CNOT4: variants seen among roughly 807,000 people sequenced by gnomAD.
CNOT4 encodes the protein CCR4-associated factor 4.
A neutral mutation model predicts 73.8 loss-of-function variants in CNOT4; 8 were observed. That is an observed-to-expected ratio of 0.11 (90% CI 0.06 to 0.20). The LOEUF is 0.20. Ranked by LOEUF, CNOT4 falls within the 10% of genes least tolerant of loss-of-function variation. The pLI, the probability that CNOT4 is intolerant of heterozygous loss-of-function variation, is 1.00. For missense variants in CNOT4, 564 were observed against 883.4 expected, an observed-to-expected ratio of 0.64 and a Z score of 4.58; for synonymous variants, 293 against 321.1, an observed-to-expected ratio of 0.91 and a Z score of 0.94.
intron 6 of CNOT4, among the ~76,000 whole-genome samples, chr7:135,413,239 A>C (rs568099962): frequency 6.6e-6 from 1 of 152,000 alleles, no homozygotes; most frequent in Non-Finnish European, 1.5e-5. Context: ...GAAAAGTCTT[A>C]AAGCAAAGAA....
rs982626924 is a variant in CNOT4, at chr7:135,449,465, C to A, written c.-92-11042G>T. On this transcript the variant is annotated intron_variant, in intron 1 of 11. Coordinates refer to ENST00000541284, the MANE Select transcript of CNOT4 (RefSeq NM_001190850.2). Reference sequence around the variant, plus strand: ...AAGTAATCCCTAGACCCAGAAAGTACAACATACCCAAATGTGATCAATAAG... The same window carrying A: ...AAGTAATCCCTAGACCCAGAAAGTAAAACATACCCAAATGTGATCAATAAG... Among the ~76,000 whole-genome samples the A allele has an allele frequency of 4.6e-5, 7 of 152,212 alleles. No homozygotes were observed. In the East Asian group the frequency reaches 1.2e-3, roughly 25 times the overall value.
intron 7 of CNOT4, among the ~76,000 whole-genome samples, chr7:135,400,642 A>G (rs185018343): frequency 6.6e-6 from 1 of 152,276 alleles, no homozygotes; most frequent in East Asian, 1.9e-4. Context: ...ACAACTAATT[A>G]GAATAACTTA....
At chr7:135,454,479 C>A (rs1450082310) in intron 1 of CNOT4, among the ~76,000 whole-genome samples, 1 of 150,662 alleles carries the variant, frequency 6.6e-6, no homozygotes, top group Non-Finnish European at 1.5e-5. Flanking sequence ...TATGGCGAAA[C>A]CCTATCTCTA....
At chr7:135,485,052 C>A (rs1485475784) in intron 1 of CNOT4, among the ~76,000 whole-genome samples, 2 of 152,002 alleles carry the variant, frequency 1.3e-5, no homozygotes, top group Non-Finnish European at 2.9e-5. Context: ...CAATTCCTAG[C>A]AAAATCTTAG....
intron 2 of CNOT4, among the ~76,000 whole-genome samples, chr7:135,424,975 TACAA>T (rs1475678847): frequency 6.6e-6 from 1 of 152,122 alleles, no homozygotes; most frequent in East Asian, 1.9e-4. Context: ...ACAAGGAAAG[TACAA>T]AAACTGAGAT....
At chr7:135,500,307 T>C (rs1803874948) in intron 1 of CNOT4, among the ~76,000 whole-genome samples, 1 of 152,200 alleles carries the variant, frequency 6.6e-6, no homozygotes, top group African/African-American at 2.4e-5. Flanking sequence ...GTATTATTCA[T>C]CTACCTCATT....
intron 7 of CNOT4, among the ~76,000 whole-genome samples, chr7:135,406,757 T>C (rs1797311342): frequency 6.6e-6 from 1 of 152,190 alleles, no homozygotes; most frequent in Non-Finnish European, 1.5e-5. Flanking sequence ...CTTTTCCTCC[T>C]GTTTCCCCCT....
Position 135,438,377 on chromosome 7 carries a change from G to C in CNOT4, c.-46C>G, listed in dbSNP as rs775664669. ...AGCAAAAGTTTATAATAATTTAAGG[G>C]AGAAGGAAGTTCAGCACTGAAAGCT... On this transcript the variant is annotated 5_prime_UTR_variant, in exon 2 of 12. Transcript: ENST00000541284. The C allele has an allele frequency of 8.6e-6, 13 of 1,503,634 alleles. No homozygotes were observed. The highest frequency in any genetic ancestry group is 1.1e-5 in the Non-Finnish European group (12 of 1,116,144). 93.1% of individuals were successfully genotyped at this position (1,503,634 alleles called of 1,614,324 possible). A position where few individuals can be genotyped will look rare whatever the true frequency, so the allele number is the denominator to read the frequency against.
chr7:135,395,964 G>A (rs866334142), intron 8 of CNOT4, 81 bp from the exon 9 acceptor site: 1 of 902,634 alleles, frequency 1.1e-6, no homozygotes, highest in Middle Eastern at 2.3e-4. Context: ...GCAACTAAAT[G>A]TATTAGAATA....
chr7:135,470,009 G>C lies in CNOT4; in HGVS notation c.-92-31586C>G, dbSNP rs542683233. ...GCTAATTTTTTGTATTTTTAGTAGA[G>C]CTGGGGTATCGTCACATTGGTTAGG... On this transcript the variant is annotated intron_variant, in intron 1 of 11. Coordinates refer to ENST00000541284, the MANE Select transcript of CNOT4 (RefSeq NM_001190850.2). 1.1e-4 allele frequency among the ~76,000 whole-genome samples: 17 copies of C among 152,154 alleles called. No homozygotes were observed. The East Asian group carries it at 3.3e-3, about 29-fold the overall frequency.
At chr7:135,398,339 T>C in intron 7 of CNOT4, 113 bp from the exon 8 acceptor site, 1 of 648,844 alleles carries the variant, frequency 1.5e-6, no homozygotes, top group Non-Finnish European at 2.7e-6. Flanking sequence ...AACAAATGTT[T>C]ATTGAGGTAC....
chr7:135,500,809 T>G (rs1803909883), intron 1 of CNOT4, among the ~76,000 whole-genome samples: 1 of 152,214 alleles, frequency 6.6e-6, no homozygotes, highest in African/African-American at 2.4e-5. Context: ...ATAACCGTTC[T>G]GAACTAATAT....
intron 2 of CNOT4, among the ~76,000 whole-genome samples, chr7:135,436,802 T>A (rs972019673): frequency 6.6e-6 from 1 of 151,932 alleles, no homozygotes; most frequent in African/African-American, 2.4e-5. Context: ...AAACAATGCA[T>A]TGCCTTCTGA....
intron 1 of CNOT4, among the ~76,000 whole-genome samples, chr7:135,492,687 T>C (rs1260160080): frequency 6.6e-6 from 1 of 152,128 alleles, no homozygotes; most frequent in Non-Finnish European, 1.5e-5. Flanking sequence ...ATCCCAGCTC[T>C]TTGGGAGGCC....
chr7:135,462,416 C>T (rs914088176), intron 1 of CNOT4, among the ~76,000 whole-genome samples: 1 of 152,102 alleles, frequency 6.6e-6, no homozygotes, highest in Non-Finnish European at 1.5e-5. Context: ...TTACAGTCAT[C>T]CCATCTGCAC....
At chr7:135,389,000 T>A in intron 10 of CNOT4, 1 of 1,071,728 alleles carries the variant, frequency 9.3e-7, no homozygotes, top group Non-Finnish European at 1.3e-6. Flanking sequence ...ATAAAATACA[T>A]GCTTAATGTT....
intron 2 of CNOT4, among the ~76,000 whole-genome samples, chr7:135,424,050 C>G (rs1008554370): frequency 8.2e-5 from 3 of 36,690 alleles, no homozygotes; most frequent in African/African-American, 2.6e-4. Context: ...AACACACACA[C>G]ACACACACAC....
At chr7:135,462,585 C>T (rs1800943498) in intron 1 of CNOT4, among the ~76,000 whole-genome samples, 1 of 152,188 alleles carries the variant, frequency 6.6e-6, no homozygotes. Context: ...TACTTTTGTC[C>T]ATTACAGCTT....
intron 1 of CNOT4, among the ~76,000 whole-genome samples, chr7:135,448,559 G>GGGAGGGAGGGAA (rs1554437787): frequency 6.7e-6 from 1 of 148,332 alleles, no homozygotes; most frequent in African/African-American, 2.5e-5. Flanking sequence ...GAGGGAGGGA[G>GGGAGGGAGGGAA]GGAAGGAAGG....
Sources: allele counts gnomAD v4.1 joint callset (sites outside exome capture counted in the v4.1 genomes callset), GRCh38; gene constraint gnomAD v4.1.1; transcripts MANE v1.5; gene names NCBI Gene and HGNC (gene_info 2026-07-23, HGNC 2026-07-21).